The following MEIOB variants were observed in gnomAD, a reference collection of about 807,000 sequenced individuals.
MEIOB encodes meiosis specific with OB-fold.
MEIOB carries 50 observed loss-of-function variants against 53.1 expected under a neutral mutation model. The observed-to-expected ratio is 0.94, with a 90% CI of 0.75 to 1.19. MEIOB has a LOEUF of 1.19. Among genes scored for constraint, MEIOB ranks in the 50% most tolerant of loss-of-function variants. MEIOB has a pLI of 0.00. For synonymous variants in MEIOB, 192 were observed against 182.5 expected (o/e 1.05, Z -0.42); for missense variants, 551 against 550.8 (o/e 1.00, Z 0.00).
chr16:1,862,647 G>T (rs1020704112), intron 3 of MEIOB, among the ~76,000 whole-genome samples: 1 of 151,940 alleles, frequency 6.6e-6, no homozygotes, highest in Admixed American at 6.6e-5. Flanking sequence ...TAGGCCGGGC[G>T]CAATGGCTCA....
chr16:1,862,394 G>A (rs1288906312), intron 3 of MEIOB, among the ~76,000 whole-genome samples: 30 of 152,244 alleles, frequency 2.0e-4, no homozygotes, highest in African/African-American at 6.7e-4. Flanking sequence ...TATTTGGAGG[G>A]AAAAACATGT....
intron 12 of MEIOB, chr16:1,838,210 G>T (rs147632019): frequency 4.6e-6 from 2 of 438,084 alleles, no homozygotes; most frequent in African/African-American, 2.0e-5. Context: ...ATGTTGCCCA[G>T]GGTGATCTTG....
At chr16:1,837,551 A>C (rs1898783313) in intron 13 of MEIOB, 1 of 306,064 alleles carries the variant, frequency 3.3e-6, no homozygotes. Context: ...TTAACCTTAA[A>C]GGATATTTTC....
rs140914992 is a variant in MEIOB, at chr16:1,853,750, G to A, written c.629+350C>T. Among the ~76,000 whole-genome samples, 627 of 152,270 alleles carry A rather than the reference G, an allele frequency of 4.1e-3. 8 individuals carry two copies. Among genetic ancestry groups the A allele is most frequent in the African/African-American group, 0.014 (601 of 41,552 alleles). On this transcript the variant is annotated intron_variant, in intron 7 of 13. Coordinates refer to ENST00000325962, the MANE Select transcript of MEIOB (RefSeq NM_001163560.3). ...GGGTGCAGTCCCCACCCTGGCCCACGTGCCCCTGTGTCCTGCCCTGCTCCA... is the reference window on the plus strand; with the variant it reads ...GGGTGCAGTCCCCACCCTGGCCCACATGCCCCTGTGTCCTGCCCTGCTCCA...
chr16:1,850,136 T>C (rs1414436643), intron 9 of MEIOB, among the ~76,000 whole-genome samples: 2 of 152,224 alleles, frequency 1.3e-5, no homozygotes, highest in African/African-American at 4.8e-5. Flanking sequence ...ATAATATCTG[T>C]CTCATTAATG....
At chr16:1,838,153 T>C (rs1201591284) in intron 12 of MEIOB, 1 of 519,344 alleles carries the variant, frequency 1.9e-6, no homozygotes, top group African/African-American at 1.9e-5. Context: ...TACTCTTCTC[T>C]GGCTAATTGT....
chr16:1,869,598 C>T (rs577097762), intron 1 of MEIOB, among the ~76,000 whole-genome samples: 2 of 151,886 alleles, frequency 1.3e-5, no homozygotes, highest in Non-Finnish European at 2.9e-5. Flanking sequence ...CAGGCACCTG[C>T]CACCACGCCT....
intron 10 of MEIOB, 72 bp downstream of exon 10, chr16:1,844,790 A>G (rs936391410): frequency 2.3e-5 from 16 of 703,244 alleles, no homozygotes; most frequent in South Asian, 5.0e-5. Context: ...ATCTTTTACC[A>G]TGTCAAACAA....
At chr16:1,849,951 G>T (rs1186786809) in intron 9 of MEIOB, among the ~76,000 whole-genome samples, 1 of 152,134 alleles carries the variant, frequency 6.6e-6, no homozygotes, top group Non-Finnish European at 1.5e-5. Flanking sequence ...ACAACATAGT[G>T]TATAAAATGT....
At chr16:1,858,686 C>T (rs1371051411) in intron 5 of MEIOB, among the ~76,000 whole-genome samples, 1 of 152,186 alleles carries the variant, frequency 6.6e-6, no homozygotes, top group Non-Finnish European at 1.5e-5. Flanking sequence ...GCAAAGCTGT[C>T]TGTAAAATAT....
Position 1,836,859 on chromosome 16 carries a change from A to AT in MEIOB, c.1305+924dup, listed in dbSNP as rs1898760720. Among the ~76,000 whole-genome samples the AT allele has an allele frequency of 4.6e-5, 7 of 152,278 alleles. No individual in the cohort carries two copies. The South Asian group carries it at 1.4e-3, about 32-fold the overall frequency. ...AATGTGTGCTCTAGAATGTTTTAAA[A>AT]TTTTTTCAGTATTAAGCTGCAGTAC... On this transcript the variant is annotated intron_variant, in intron 13 of 13. Transcript: ENST00000325962.
At chr16:1,842,492 G>C (rs1268182578) in intron 10 of MEIOB, among the ~76,000 whole-genome samples, 1 of 150,334 alleles carries the variant, frequency 6.7e-6, no homozygotes, top group African/African-American at 2.4e-5. Context: ...GCATGGTGGT[G>C]CATGCCTGTA....
chr16:1,851,128 G>A (rs1899158691), intron 9 of MEIOB, among the ~76,000 whole-genome samples: 1 of 152,002 alleles, frequency 6.6e-6, no homozygotes, highest in Admixed American at 6.6e-5. Flanking sequence ...CCAAACCCCA[G>A]CCTGCTACCC....
chr16:1,835,285 T>C (rs1003651963), intron 13 of MEIOB, among the ~76,000 whole-genome samples: 1 of 151,430 alleles, frequency 6.6e-6, no homozygotes, highest in Non-Finnish European at 1.5e-5. Context: ...AAGTATAACA[T>C]ATGAAAAAGG....
chr16:1,870,483 A>G (rs1899716674), intron 1 of MEIOB, among the ~76,000 whole-genome samples: 1 of 152,218 alleles, frequency 6.6e-6, no homozygotes, highest in Non-Finnish European at 1.5e-5. Context: ...CTGTGGAGTT[A>G]GTCAAATATG....
At chr16:1,849,208 C>CAAG (rs1899098729) in intron 9 of MEIOB, among the ~76,000 whole-genome samples, 1 of 151,864 alleles carries the variant, frequency 6.6e-6, no homozygotes, top group South Asian at 2.1e-4. Context: ...ATCACGAGGT[C>CAAG]AAGAAATCAA....
chr16:1,865,727 C>A, intron 3 of MEIOB, 51 bp downstream of exon 3: 2 of 1,348,202 alleles, frequency 1.5e-6, no homozygotes, highest in South Asian at 2.6e-5. Context: ...TTGTTGTAGT[C>A]ATAAGCCAAA....
intron 3 of MEIOB, among the ~76,000 whole-genome samples, chr16:1,862,421 G>A (rs1468781169): frequency 6.6e-6 from 1 of 152,134 alleles, no homozygotes; most frequent in Non-Finnish European, 1.5e-5. Context: ...GAGCCATCCA[G>A]GTATTACCTT....
chr16:1,871,441 G>T (rs1266094231), intron 1 of MEIOB, among the ~76,000 whole-genome samples: 1 of 125,914 alleles, frequency 7.9e-6, no homozygotes, highest in African/African-American at 3.0e-5. Flanking sequence ...GGATGGTCTC[G>T]ATCTCCTGAC....
Sources: gnomAD v4.1 joint callset for allele counts (sites outside exome capture counted in the v4.1 genomes callset) on GRCh38, gnomAD v4.1.1 for gene constraint, MANE v1.5 for transcripts, NCBI Gene and HGNC (gene_info 2026-07-23, HGNC 2026-07-21) for gene names.